The following VAT1L variants were observed in gnomAD, a reference collection of about 807,000 sequenced individuals.
VAT1L encodes vesicle amine transport 1 like.
VAT1L carries 34 observed loss-of-function variants against 44.1 expected under a neutral mutation model. The observed-to-expected ratio is 0.77, with a 90% CI of 0.59 to 1.03. VAT1L has a LOEUF of 1.03. VAT1L is among the 50% of genes least tolerant of loss of function. VAT1L has a pLI of 0.00. For synonymous variants in VAT1L, 253 were observed against 202.2 expected (o/e 1.25, Z -2.13); for missense variants, 615 against 538.8 (o/e 1.14, Z -1.40).
intron 7 of VAT1L, among the ~76,000 whole-genome samples, chr16:77,906,282 C>CT (rs746017693): frequency 1.3e-5 from 2 of 152,198 alleles, no homozygotes; most frequent in Non-Finnish European, 2.9e-5. Flanking sequence ...GTGGAGACGG[C>CT]TTTCAGAGCT....
intron 3 of VAT1L, among the ~76,000 whole-genome samples, chr16:77,852,631 T>C (rs1457592718): frequency 6.6e-5 from 10 of 152,192 alleles, no homozygotes; most frequent in Non-Finnish European, 1.5e-4. Flanking sequence ...CAGATGGCAA[T>C]ATGATGTTGG....
At chr16:77,905,240 A>G (rs1166160743) in intron 7 of VAT1L, among the ~76,000 whole-genome samples, 1 of 152,228 alleles carries the variant, frequency 6.6e-6, no homozygotes, top group East Asian at 1.9e-4. Flanking sequence ...GCTAAAAGAA[A>G]AATGAAAACA....
At chr16:77,832,958 G>A (rs1340793719) in intron 3 of VAT1L, among the ~76,000 whole-genome samples, 1 of 152,170 alleles carries the variant, frequency 6.6e-6, no homozygotes, top group African/African-American at 2.4e-5. Flanking sequence ...ACCATCTACA[G>A]CATCACCGCA....
intron 6 of VAT1L, among the ~76,000 whole-genome samples, chr16:77,880,321 G>A (rs752983220): frequency 2.9e-4 from 44 of 151,766 alleles, no homozygotes; most frequent in African/African-American, 7.7e-4. Context: ...TATACCCAGC[G>A]AATTTATGTA....
chr16:77,971,809 C>A, intron 7 of VAT1L, 41 bp from the exon 8 acceptor site: 1 of 1,589,656 alleles, frequency 6.3e-7, no homozygotes, highest in South Asian at 1.1e-5. Flanking sequence ...TGGGGAACAT[C>A]TCGCCTAACC....
chr16:77,971,647 G>A (rs2018278924), intron 7 of VAT1L, among the ~76,000 whole-genome samples: 1 of 152,138 alleles, frequency 6.6e-6, no homozygotes, highest in Admixed American at 6.5e-5. Flanking sequence ...CGACCCAGAA[G>A]ATGTTTGCAC....
At chr16:77,971,053 G>T (rs1328466399) in intron 7 of VAT1L, among the ~76,000 whole-genome samples, 1 of 151,654 alleles carries the variant, frequency 6.6e-6, no homozygotes, top group Non-Finnish European at 1.5e-5. Context: ...TTTCCACGCA[G>T]ATTTCATTGA....
chr16:77,834,230 A>C, intron 3 of VAT1L, among the ~76,000 whole-genome samples: 1 of 151,480 alleles, frequency 6.6e-6, no homozygotes, highest in East Asian at 1.9e-4. Flanking sequence ...CTTTTCCTCT[A>C]TTTCTCCTTA....
Position 77,971,940 on chromosome 16 carries a change from G to A in VAT1L, c.1161+7G>A, listed in dbSNP as rs368755134. 8.1e-6 allele frequency: 13 copies of A among 1,612,448 alleles called. No individual in the cohort carries two copies. The highest frequency in any genetic ancestry group is 1.1e-5 in the Non-Finnish European group (13 of 1,179,218). On this transcript the variant is annotated splice_region_variant and intron_variant, in intron 8 of 8. Transcript: ENST00000302536. ...AAAGACCCCAACTCCACTGGTGAGT[G>A]AAAAGCAGAGGAGTCTGTTCAGTTC...
At chr16:77,789,191 G>A (rs1346190631) in intron 1 of VAT1L, among the ~76,000 whole-genome samples, 2 of 152,198 alleles carry the variant, frequency 1.3e-5, no homozygotes, top group African/African-American at 4.8e-5. Flanking sequence ...CTGGAAGATT[G>A]CGCTACGGGA....
intron 7 of VAT1L, among the ~76,000 whole-genome samples, chr16:77,964,421 A>ACGGT (rs1200300095): frequency 6.6e-6 from 1 of 151,764 alleles, no homozygotes; most frequent in African/African-American, 2.4e-5. Flanking sequence ...TTCTTGCTTC[A>ACGGT]CGGTCCCCCC....
chr16:77,807,185 GGA>G (rs2016176650), intron 1 of VAT1L, among the ~76,000 whole-genome samples: 1 of 152,142 alleles, frequency 6.6e-6, no homozygotes, highest in African/African-American at 2.4e-5. Flanking sequence ...AACCCTGAAA[GGA>G]GAGATCACAC....
intron 7 of VAT1L, among the ~76,000 whole-genome samples, chr16:77,938,357 G>C (rs1011372292): frequency 6.6e-6 from 1 of 152,142 alleles, no homozygotes; most frequent in Non-Finnish European, 1.5e-5. Context: ...TGAACGCTCT[G>C]TCAAAAAAAT....
At position 77,971,953 on chromosome 16, in the gene VAT1L, G is replaced by C. The variant is rs771243516; in HGVS notation, c.1161+20G>C. On this transcript the variant is annotated intron_variant, in intron 8 of 8. Coordinates refer to ENST00000302536, the MANE Select transcript of VAT1L (RefSeq NM_020927.3). ...CCACTGGTGAGTGAAAAGCAGAGGA[G>C]TCTGTTCAGTTCCACGCGAGAGAGC... is the stretch of plus-strand genomic sequence containing the variant. The C allele has an allele frequency of 6.8e-6, 11 of 1,609,944 alleles. No individual in the cohort carries two copies. The highest frequency in any genetic ancestry group is 1.7e-5 in the Admixed American group (1 of 59,394).
In VAT1L at chr16:77,884,499, C is replaced by G. The variant is rs1296309511; in HGVS notation, c.883-109C>G. ...CCTTGGCCAGCTGGAATCTGCTGAG[C>G]TGCAGCCCCACGTTCCCCCTGTAGT... is the stretch of plus-strand genomic sequence containing the variant. On this transcript the variant is annotated intron_variant, in intron 6 of 8. Coordinates refer to ENST00000302536, the MANE Select transcript of VAT1L (RefSeq NM_020927.3). The surrounding 1 kb of genome is among the most constrained non-coding windows in gnomAD (Gnocchi z 4.5). The G allele has an allele frequency of 3.8e-6, 4 of 1,064,750 alleles. No homozygotes were observed. The highest frequency in any genetic ancestry group is 5.3e-6 in the Non-Finnish European group (4 of 757,444). 66.0% of individuals were successfully genotyped at this position (1,064,750 alleles called of 1,614,324 possible). A position where few individuals can be genotyped will look rare whatever the true frequency, so the allele number is the denominator to read the frequency against.
intron 7 of VAT1L, among the ~76,000 whole-genome samples, chr16:77,970,952 A>G (rs2142544192): frequency 6.6e-6 from 1 of 152,326 alleles, no homozygotes; most frequent in East Asian, 1.9e-4. Context: ...GACTGAATTA[A>G]CACAAATTTT....
intron 1 of VAT1L, among the ~76,000 whole-genome samples, chr16:77,799,403 G>A (rs986387678): frequency 2.0e-5 from 3 of 151,490 alleles, no homozygotes; most frequent in Non-Finnish European, 4.4e-5. Flanking sequence ...TCTGGCTTAA[G>A]AAAATGAGGA....
chr16:77,958,231 C>T (rs1373101751), intron 7 of VAT1L, among the ~76,000 whole-genome samples: 1 of 152,092 alleles, frequency 6.6e-6, no homozygotes, highest in Non-Finnish European at 1.5e-5. Flanking sequence ...ATATGTCCCT[C>T]CGTTTGGCTG....
chr16:77,840,104 T>G (rs1352312080), intron 3 of VAT1L, among the ~76,000 whole-genome samples: 1 of 152,144 alleles, frequency 6.6e-6, no homozygotes, highest in South Asian at 2.1e-4. Flanking sequence ...AATGAGATAA[T>G]CTATGGAATC....
Sources: allele counts gnomAD v4.1 joint callset (sites outside exome capture counted in the v4.1 genomes callset), GRCh38; gene constraint gnomAD v4.1.1; non-coding constraint Gnocchi (gnomAD v3.1); transcripts MANE v1.5; gene names NCBI Gene and HGNC (gene_info 2026-07-23, HGNC 2026-07-21).